NFIB: variants seen among roughly 807,000 people sequenced by gnomAD.
NFIB encodes the protein nuclear factor 1 B-type.
In NFIB, 11 loss-of-function variants were observed where a neutral mutation model predicts 61.5. That is an observed-to-expected ratio of 0.18 (90% CI 0.11 to 0.30). The LOEUF is 0.30. Among genes scored for constraint, NFIB ranks in the 10% least tolerant of loss-of-function variants. The probability of loss-of-function intolerance (pLI) is 1.00; values close to 1 mark genes in which losing one functional copy is unlikely to be tolerated. For synonymous variants in NFIB, 260 were observed against 216.5 expected, an observed-to-expected ratio of 1.20 and a Z score of -1.76; for missense variants, 471 against 608.9, an observed-to-expected ratio of 0.77 and a Z score of 2.38.
At chr9:14,475,536 C>A in the NFIB span, among the ~76,000 whole-genome samples, 1 of 152,138 alleles carries the variant, frequency 6.6e-6, no homozygotes, top group African/African-American at 2.4e-5. Context: ...CCACTGCTTC[C>A]TGTCCTTCAT....
intron 1 of NFIB, among the ~76,000 whole-genome samples, chr9:14,335,953 A>C (rs2060881540): frequency 6.6e-6 from 1 of 152,226 alleles, no homozygotes; most frequent in South Asian, 2.1e-4. Flanking sequence ...AATCGAGTTC[A>C]AACCTTTGTC....
chr9:14,398,457 A>T, intron 1 of NFIB: 1 of 1,168,954 alleles, frequency 8.6e-7, no homozygotes, highest in Non-Finnish European at 1.2e-6. Flanking sequence ...ACACTGAGAC[A>T]CATTGTCTAA....
chr9:14,117,940 T>C (rs1466239590), intron 8 of NFIB, among the ~76,000 whole-genome samples: 5 of 152,088 alleles, frequency 3.3e-5, no homozygotes, highest in East Asian at 1.9e-4. Flanking sequence ...CTGGAGAATA[T>C]TGGGAAGCAA....
chr9:14,188,468 T>C (rs1271692800), intron 2 of NFIB, among the ~76,000 whole-genome samples: 1 of 152,222 alleles, frequency 6.6e-6, no homozygotes, highest in African/African-American at 2.4e-5. Flanking sequence ...GCTCTCGCAC[T>C]AGAGAGAAAT....
chr9:14,404,816 T>A, the NFIB span, among the ~76,000 whole-genome samples: 1 of 152,158 alleles, frequency 6.6e-6, no homozygotes, highest in Non-Finnish European at 1.5e-5. Flanking sequence ...GGCAGCAACA[T>A]AATGACAGTA....
chr9:14,118,360 C>T (rs1031466233), intron 8 of NFIB, among the ~76,000 whole-genome samples: 3 of 152,068 alleles, frequency 2.0e-5, no homozygotes, highest in East Asian at 3.9e-4. Flanking sequence ...ACAATAATTT[C>T]AAGGAAATGC....
the NFIB span, among the ~76,000 whole-genome samples, chr9:14,478,803 T>G: frequency 6.6e-6 from 1 of 152,204 alleles, no homozygotes; most frequent in Non-Finnish European, 1.5e-5. Context: ...ATTTTCACAT[T>G]GCTATGAGTG....
chr9:14,505,199 A>G, the NFIB span, among the ~76,000 whole-genome samples: 1 of 152,086 alleles, frequency 6.6e-6, no homozygotes, highest in African/African-American at 2.4e-5. Context: ...TCATGGTGGA[A>G]TCTTTAGGGT....
chr9:14,214,847 GCA>G (rs928857632), intron 2 of NFIB, among the ~76,000 whole-genome samples: 1 of 152,146 alleles, frequency 6.6e-6, no homozygotes, highest in African/African-American at 2.4e-5. Context: ...CAGGAAGGAG[GCA>G]CACACAGTGC....
intron 6 of NFIB, among the ~76,000 whole-genome samples, chr9:14,134,952 G>A (rs1477239284): frequency 7.3e-6 from 1 of 137,292 alleles, no homozygotes; most frequent in East Asian, 2.1e-4. Context: ...AATGCCATTA[G>A]ATTATAAAGA....
rs184949887 is a variant in NFIB at position 14,363,634 on chromosome 9, T to C, written c.108+34890A>G. ...ATGTGCATGTATATGTGTGTACATA[T>C]ACATATATATGTATATGTACACACA... On this transcript the variant is annotated intron_variant, in intron 1 of 8. Transcript: ENST00000380934. 7.9e-4 allele frequency among the ~76,000 whole-genome samples: 98 copies of C among 123,838 alleles called. 3 individuals are homozygous for C. The East Asian group carries it at 0.017, about 22-fold the overall frequency. 81.2% of individuals were successfully genotyped at this position (123,838 alleles called of 152,430 possible). A position where few individuals can be genotyped will look rare whatever the true frequency, so the allele number is the denominator to read the frequency against.
chr9:14,233,421 C>CTTTTTTTTT (rs766595252), intron 2 of NFIB, among the ~76,000 whole-genome samples: 3 of 109,106 alleles, frequency 2.7e-5, no homozygotes, highest in East Asian at 2.7e-4. Flanking sequence ...TGCTATTATT[C>CTTTTTTTTT]TTTTTTTTTT....
intron 2 of NFIB, among the ~76,000 whole-genome samples, chr9:14,208,215 T>C (rs1749486397): frequency 6.6e-6 from 1 of 152,120 alleles, no homozygotes; most frequent in South Asian, 2.1e-4. Context: ...AATTCATCTA[T>C]ACAACAAAGC....
intron 10 of NFIB, among the ~76,000 whole-genome samples, chr9:14,099,029 G>A (rs1000568027): frequency 1.1e-4 from 17 of 152,088 alleles, no homozygotes; most frequent in African/African-American, 3.1e-4. Context: ...TTTCAGTTCC[G>A]ACAAGAGCTG....
the NFIB span, among the ~76,000 whole-genome samples, chr9:14,466,023 A>T: frequency 0.023 from 3,559 of 152,242 alleles, 63 homozygotes; most frequent in Admixed American, 0.037. Context: ...ACTGAGAGAG[A>T]GTCGAGTCAC....
chr9:14,353,257 T>G (rs986607752), intron 1 of NFIB, among the ~76,000 whole-genome samples: 3 of 152,028 alleles, frequency 2.0e-5, no homozygotes, highest in African/African-American at 7.2e-5. Context: ...TTTGTGATTG[T>G]TTTTGTGCGT....
chr9:14,526,006 C>G, the NFIB span, among the ~76,000 whole-genome samples: 7 of 152,252 alleles, frequency 4.6e-5, no homozygotes, highest in East Asian at 1.9e-4. Context: ...TTCATCCTCA[C>G]GACAGGTTGG....
chr9:14,471,644 G>A, the NFIB span, among the ~76,000 whole-genome samples: 2 of 152,200 alleles, frequency 1.3e-5, no homozygotes, highest in African/African-American at 2.4e-5. Context: ...CCAGTGGGGA[G>A]TAGAATTTAA....
At chr9:14,445,516 G>C in the NFIB span, among the ~76,000 whole-genome samples, 1 of 152,050 alleles carries the variant, frequency 6.6e-6, no homozygotes, top group Non-Finnish European at 1.5e-5. Flanking sequence ...TTAGAATTTA[G>C]ATCATAAAAT....
Sources: gnomAD v4.1 joint callset for allele counts (sites outside exome capture counted in the v4.1 genomes callset) on GRCh38, gnomAD v4.1.1 for gene constraint, MANE v1.5 for transcripts, NCBI Gene and HGNC (gene_info 2026-07-23, HGNC 2026-07-21) for gene names.